MICA: variants seen among roughly 807,000 people sequenced by gnomAD.
MICA encodes the protein HLA class I antigen.
Under a neutral mutation model 34.3 loss-of-function variants are expected in MICA, and 18 were observed. The ratio of observed to expected loss-of-function variants is 0.52; its 90% CI spans 0.36 to 0.78. MICA has a LOEUF of 0.78. Ranked by LOEUF, MICA falls within the 30% of genes least tolerant of loss-of-function variation. The pLI, the probability that MICA is intolerant of heterozygous loss-of-function variation, is 0.00. For missense variants in MICA, 333 were observed against 409.4 expected (o/e 0.81, Z 1.61); for synonymous variants, 135 against 156.9 (o/e 0.86, Z 1.04).
chr6:31,403,571 T>C, upstream of MICA: 2 of 1,380,320 alleles, frequency 1.4e-6, no homozygotes, highest in Non-Finnish European at 1.9e-6. This position sits in a 1 kb window ranked among gnomAD's most constrained non-coding sequence, Gnocchi z 4.7. Context: ...GTGACTAAGT[T>C]TCCGCGGCGC....
chr6:31,403,185 G>T (rs574449775), upstream of MICA, among the ~76,000 whole-genome samples: 55 of 151,938 alleles, frequency 3.6e-4, no homozygotes, highest in Middle Eastern at 3.4e-3. This position sits in a 1 kb window ranked among gnomAD's most constrained non-coding sequence, Gnocchi z 4.7. Flanking sequence ...GCCACGCGTT[G>T]TCTGTCCTGG....
At position 31,415,111 on chromosome 6, in the gene MICA, G is replaced by C; in HGVS notation, c.*129G>C. ...TTTCAGCCTCTGATGTCAGCTCTTG[G>C]GTCCACTGGCTCCACTGAGGGCACC... is the stretch of plus-strand genomic sequence containing the variant. On this transcript the variant is annotated 3_prime_UTR_variant, in exon 6 of 6. Coordinates refer to ENST00000449934, the MANE Select transcript of MICA (RefSeq NM_001177519.3). 8.4e-7 allele frequency: 1 copy of C among 1,192,148 alleles called. No individual in the cohort carries two copies. Among genetic ancestry groups the C allele is most frequent in the Non-Finnish European group, 1.2e-6 (1 of 810,914 alleles). 73.8% of individuals were successfully genotyped at this position (1,192,148 alleles called of 1,614,324 possible).
At chr6:31,410,453 A>G (rs1771038373) in intron 1 of MICA, 90 bp from the exon 2 acceptor site, 2 of 1,421,542 alleles carry the variant, frequency 1.4e-6, no homozygotes, top group Non-Finnish European at 1.9e-6. Flanking sequence ...TTCCTGCCCC[A>G]GGAAGGTTGG....
chr6:31,405,856 A>C (rs566914313), intron 1 of MICA, among the ~76,000 whole-genome samples: 1 of 151,862 alleles, frequency 6.6e-6, no homozygotes, highest in African/African-American at 2.4e-5. Context: ...ACTTCACAGG[A>C]TGACCTCCAG....
At chr6:31,410,099 C>T (rs1204279921) in intron 1 of MICA, among the ~76,000 whole-genome samples, 1 of 147,856 alleles carries the variant, frequency 6.8e-6, no homozygotes, top group Non-Finnish European at 1.5e-5. Context: ...AGTCTCTTCT[C>T]GAGGCAGCTC....
At chr6:31,408,895 C>G (rs1770900053) in intron 1 of MICA, among the ~76,000 whole-genome samples, 1 of 151,502 alleles carries the variant, frequency 6.6e-6, no homozygotes, top group Non-Finnish European at 1.5e-5. Context: ...ATCCCAACTA[C>G]TTGGGAGGCT....
chr6:31,408,524 T>A (rs1770873822), intron 1 of MICA, among the ~76,000 whole-genome samples: 1 of 151,624 alleles, frequency 6.6e-6, no homozygotes, highest in African/African-American at 2.4e-5. Context: ...TTAGATACAT[T>A]CACATTTTTG....
intron 4 of MICA, 47 bp from the exon 5 acceptor site, chr6:31,412,278 A>G: frequency 6.2e-7 from 1 of 1,606,222 alleles, no homozygotes; most frequent in Non-Finnish European, 8.5e-7. Flanking sequence ...GACAGCAGGG[A>G]TGGCTGTGGC....
Position 31,412,379 on chromosome 6 carries a change from C to T in MICA, c.947C>T (p.Ala316Val), listed in dbSNP as rs1771237027. The T allele has an allele frequency of 6.6e-7, 1 of 1,509,978 alleles. No homozygotes were observed. The highest frequency in any genetic ancestry group is 1.2e-5 in the South Asian group (1 of 83,842). The allele number at this position is 1,509,978 out of a possible 1,614,324, so 93.5% of individuals were successfully genotyped here. A position where few individuals can be genotyped will look rare whatever the true frequency, so the allele number is the denominator to read the frequency against. Residue 316 changes from alanine (A) to valine (V), a missense_variant, in exon 5 of 6, where the codon GCT becomes GTT. Transcript: ENST00000449934. ...HWQTFHVSAVAAGCCYFCYYY... is the reference protein window; with the variant it reads ...HWQTFHVSAVVAGCCYFCYYY... ...CAGACATTCCATGTTTCTGCTGTTG[C>T]TGCTGGCTGCTGCTATTTTTGTTAT... is the stretch of plus-strand genomic sequence containing the variant.
At chr6:31,403,046 C>A (rs867498294), upstream of MICA, among the ~76,000 whole-genome samples, 2 of 151,940 alleles carry the variant, frequency 1.3e-5, 1 homozygote, top group Admixed American at 1.3e-4. This position sits in a 1 kb window ranked among gnomAD's most constrained non-coding sequence, Gnocchi z 4.7. Context: ...GTGGTCTGAG[C>A]GGTTCTACTG....
rs2113756404 is a variant in MICA, at chr6:31,411,309, T to C, written c.563T>C (p.Leu188Pro). 6.2e-7 allele frequency: 1 copy of C among 1,602,254 alleles called. No homozygotes were observed. Among genetic ancestry groups the C allele is most frequent in the East Asian group, 2.3e-5 (1 of 44,324 alleles). ...THYHAMHADCLQELRRYLESG... is the reference protein window; with the variant it reads ...THYHAMHADCPQELRRYLESG... Reference sequence around the variant, plus strand: ...TATCACGCTATGCATGCAGACTGCCTGCAGGAACTACGGCGATATCTAGAA... The same window carrying C: ...TATCACGCTATGCATGCAGACTGCCCGCAGGAACTACGGCGATATCTAGAA... The change falls in exon 3 of 6, where the codon CTG (leucine) becomes CCG (proline). Residue 188 changes from leucine (L) to proline (P), a missense_variant. Leu to Pro is a moderately conservative substitution (Grantham distance 98). Transcript: ENST00000449934. The surrounding 1 kb of genome is among the most constrained non-coding windows in gnomAD (Gnocchi z 4.3).
rs369411546 is a variant in MICA, at chr6:31,407,356, C to T, written c.71-3187C>T. On this transcript the variant is annotated intron_variant, in intron 1 of 5. Coordinates refer to ENST00000449934, the MANE Select transcript of MICA (RefSeq NM_001177519.3). ...GGTTCAAGCTATTCTTCTGCCTCAG[C>T]CTCCCAAGTAGCTGGGATTACAGGC... Among the ~76,000 whole-genome samples the T allele has an allele frequency of 4.6e-5, 7 of 152,056 alleles. No homozygotes were observed. The East Asian group carries it at 9.7e-4, about 21-fold the overall frequency.
rs535781613 is a variant in MICA, at chr6:31,413,294, C to T, written c.*29+834C>T. 1.4e-4 allele frequency among the ~76,000 whole-genome samples: 22 copies of T among 151,844 alleles called. 1 individual carries two copies. Among genetic ancestry groups the T allele is most frequent in the Admixed American group, 1.1e-3 (17 of 15,206 alleles). On this transcript the variant is annotated intron_variant, in intron 5 of 5. Coordinates refer to ENST00000449934, the MANE Select transcript of MICA (RefSeq NM_001177519.3). ...GTGGTCCCTGTTTTCATCCTACCTCCGAGTGTTTTCTTCTCCAGTCCCTGA... is the reference window on the plus strand; with the variant it reads ...GTGGTCCCTGTTTTCATCCTACCTCTGAGTGTTTTCTTCTCCAGTCCCTGA...
In MICA at chr6:31,411,943, C is replaced by T. The variant is rs1054808710; in HGVS notation, c.614-4C>T. On this transcript the variant is annotated splice_polypyrimidine_tract_variant and splice_region_variant and intron_variant, in intron 3 of 5. Transcript: ENST00000449934. The surrounding 1 kb of genome is among the most constrained non-coding windows in gnomAD (Gnocchi z 4.3). The stretch of plus-strand genomic sequence containing the variant: ...CTTCACTGGCTCTGCCCTTTCTTCT[C>T]CAGTGCCCCCCATGGTGAATGTCAC... 6.2e-7 allele frequency: 1 copy of T among 1,609,806 alleles called. No individual in the cohort carries two copies. The highest frequency in any genetic ancestry group is 1.3e-5 in the African/African-American group (1 of 74,692).
At chr6:31,414,398 G>A (rs1444279016) in intron 5 of MICA, among the ~76,000 whole-genome samples, 3 of 152,078 alleles carry the variant, frequency 2.0e-5, no homozygotes, top group Admixed American at 6.6e-5. Context: ...GGTTGTGAGG[G>A]TCAGGAGAGG....
intron 1 of MICA, among the ~76,000 whole-genome samples, chr6:31,406,977 A>C (rs1770780693): frequency 6.6e-6 from 1 of 151,900 alleles, no homozygotes; most frequent in African/African-American, 2.4e-5. Context: ...ATTTGAAGTC[A>C]GATAATGTGA....
upstream of MICA, among the ~76,000 whole-genome samples, chr6:31,402,420 G>T (rs1366085703): frequency 6.6e-6 from 1 of 151,874 alleles, no homozygotes; most frequent in Non-Finnish European, 1.5e-5. Context: ...AGAAATGGGG[G>T]TGGTGCCAGA....
rs1271304186 is a variant in MICA, at chr6:31,411,079, T to C, written c.333T>C (p.His111=). ...AHIKDQKEGL[H]SLQEIRVCEI... Reference sequence around the variant, plus strand: ...ACTGCTGGGTGGGGGCAGGCTTGCATTCCCTCCAGGAGATTAGGGTCTGTG... The same window carrying C: ...ACTGCTGGGTGGGGGCAGGCTTGCACTCCCTCCAGGAGATTAGGGTCTGTG... The change falls in exon 3 of 6, where the codon CAT becomes CAC. Residue 111 remains histidine (H), a synonymous_variant. Coordinates refer to ENST00000449934, the MANE Select transcript of MICA (RefSeq NM_001177519.3). This position sits in a 1 kb window ranked among gnomAD's most constrained non-coding sequence, Gnocchi z 4.3. The C allele has an allele frequency of 6.3e-7, 1 of 1,592,818 alleles. No homozygotes were observed. The highest frequency in any genetic ancestry group is 1.4e-5 in the African/African-American group (1 of 74,028).
At chr6:31,401,342 C>G (rs1770417627), upstream of MICA, among the ~76,000 whole-genome samples, 1 of 151,750 alleles carries the variant, frequency 6.6e-6, no homozygotes, top group African/African-American at 2.4e-5. Context: ...TTAAAATTCT[C>G]GAATACATTA....
Sources: gnomAD v4.1 joint callset for allele counts (sites outside exome capture counted in the v4.1 genomes callset) on GRCh38, gnomAD v4.1.1 for gene constraint, Gnocchi (gnomAD v3.1) non-coding constraint, MANE v1.5 for transcripts, NCBI Gene and HGNC (gene_info 2026-07-23, HGNC 2026-07-21) for gene names.